The following ZDHHC2 variants were observed in gnomAD, a reference collection of about 807,000 sequenced individuals.
The protein encoded by ZDHHC2 is palmitoyltransferase ZDHHC2.
ZDHHC2 carries 51 observed loss-of-function variants against 55.6 expected under a neutral mutation model. The ratio of observed to expected loss-of-function variants is 0.92; its 90% confidence interval spans 0.73 to 1.16. The LOEUF (loss-of-function observed/expected upper bound fraction) is 1.16. ZDHHC2 is among the 50% of genes most tolerant of loss of function. ZDHHC2 has a pLI of 0.00. For synonymous variants in ZDHHC2, 199 were observed against 152.9 expected (o/e 1.30, Z -2.22); for missense variants, 491 against 442.4 (o/e 1.11, Z -0.99).
At chr8:17,214,697 C>T (rs569080473) in intron 10 of ZDHHC2, among the ~76,000 whole-genome samples, 75 of 152,076 alleles carry the variant, frequency 4.9e-4, no homozygotes, top group African/African-American at 1.7e-3. Context: ...TCACTTGAGA[C>T]CAGGCATTTG....
chr8:17,218,568 C>G (rs2150952571), intron 12 of ZDHHC2, among the ~76,000 whole-genome samples: 1 of 152,074 alleles, frequency 6.6e-6, no homozygotes, highest in South Asian at 2.1e-4. Flanking sequence ...TTATTTATCT[C>G]CAACACCTTG....
chr8:17,192,389 T>G (rs1376576605), intron 3 of ZDHHC2, among the ~76,000 whole-genome samples: 1 of 152,268 alleles, frequency 6.6e-6, no homozygotes, highest in African/African-American at 2.4e-5. Flanking sequence ...TGAGCACATC[T>G]TCATATACCT....
chr8:17,185,186 A>C (rs1805647995), intron 2 of ZDHHC2, among the ~76,000 whole-genome samples: 2 of 152,222 alleles, frequency 1.3e-5, no homozygotes, highest in Admixed American at 1.3e-4. Context: ...TCAAATTTTT[A>C]ATGATTCTAT....
In ZDHHC2 at chr8:17,177,200, T is replaced by G. The variant is rs150586850; in HGVS notation, c.131-7589T>G. On this transcript the variant is annotated intron_variant, in intron 1 of 12. Coordinates refer to ENST00000262096, the MANE Select transcript of ZDHHC2 (RefSeq NM_016353.5). ...GTTAGAGTAATTTGAGTACAGAAAA[T>G]TAGCTTAGGGAGGGTGTTGGTGACC... 8.3e-4 allele frequency among the ~76,000 whole-genome samples: 126 copies of G among 152,128 alleles called. 1 individual carries two copies. The Middle Eastern group carries it at 0.02, about 25-fold the overall frequency.
rs1275235787 is a variant in ZDHHC2, at chr8:17,224,060, C to T, written c.*3839C>T. On this transcript the variant is annotated 3_prime_UTR_variant, in exon 13 of 13. Coordinates refer to ENST00000262096, the MANE Select transcript of ZDHHC2 (RefSeq NM_016353.5). ...TTTTTTTCCTTCCTCAAAATAGTCTCCTTGAAATGTGAGCAAAGAACTATG... is the reference window on the plus strand; with the variant it reads ...TTTTTTTCCTTCCTCAAAATAGTCTTCTTGAAATGTGAGCAAAGAACTATG... The T allele has an allele frequency of 6.6e-6, 1 of 151,450 alleles. No individual in the cohort carries two copies. The highest frequency in any genetic ancestry group is 2.4e-5 in the African/African-American group (1 of 41,332). The allele number at this position is 151,450 out of a possible 1,614,324, so 9.4% of individuals were successfully genotyped here.
chr8:17,208,671 G>A (rs1012919188), intron 8 of ZDHHC2, among the ~76,000 whole-genome samples: 39 of 152,200 alleles, frequency 2.6e-4, no homozygotes, highest in African/African-American at 9.4e-4. Context: ...ATTTTGAAAT[G>A]AAACATTATG....
rs150543362 is a variant in ZDHHC2 at position 17,210,011 on chromosome 8, A to G, written c.810A>G (p.Gln270=). The part of the protein sequence containing the change: ...FSLGFSKNMR[Q]VFGDEKKYWL... ...TGGGTTTCAGTAAAAACATGCGACA[A>G]GTTTTTGGTGATGAGAAGAAGTACT... The change falls in exon 9 of 13, where the codon CAA becomes CAG. Residue 270 remains glutamine, a synonymous_variant. Coordinates refer to ENST00000262096, the MANE Select transcript of ZDHHC2 (RefSeq NM_016353.5). The G allele has an allele frequency of 2.2e-3, 3,532 of 1,609,776 alleles. 115 individuals carry two copies. In the Admixed American group the frequency reaches 0.051, roughly 23 times the overall value.
At chr8:17,191,784 G>A (rs550196384) in intron 3 of ZDHHC2, among the ~76,000 whole-genome samples, 12 of 152,262 alleles carry the variant, frequency 7.9e-5, no homozygotes, top group African/African-American at 2.2e-4. Context: ...AAACATGGGA[G>A]TGCAGATTAT....
chr8:17,199,534 G>GTCTTCA (rs1563161243), intron 6 of ZDHHC2, among the ~76,000 whole-genome samples: 2 of 944 alleles, frequency 2.1e-3, no homozygotes, highest in Non-Finnish European at 2.6e-3. Context: ...TTCGTCTTCT[G>GTCTTCA]TCTTCGTCTT....
intron 10 of ZDHHC2, among the ~76,000 whole-genome samples, chr8:17,213,782 A>G (rs577167990): frequency 1.4e-3 from 207 of 152,304 alleles, no homozygotes; most frequent in African/African-American, 4.6e-3. Context: ...CCAGGATCCC[A>G]GGATCTGGTT....
intron 1 of ZDHHC2, among the ~76,000 whole-genome samples, chr8:17,159,436 G>T (rs1340726878): frequency 6.6e-6 from 1 of 152,158 alleles, no homozygotes; most frequent in Non-Finnish European, 1.5e-5. Context: ...TCTGCTCTCA[G>T]CTAGGGATGA....
chr8:17,210,403 C>CTCCT lies in ZDHHC2; in HGVS notation c.875_878dup (p.Pro294LeufsTer7), dbSNP rs1217326146. On this transcript the variant is annotated frameshift_variant, in exon 10 of 13. Transcript: ENST00000262096. LOFTEE classifies it high-confidence loss of function. ...TTAATTCTAGTCTAGGTGATGGCTG[C>CTCCT]TCCTTTCCAACTTGCCTTGTTAACC... 2 of 1,613,186 alleles carry CTCCT rather than the reference C, an allele frequency of 1.2e-6. No individual in the cohort carries two copies. Among genetic ancestry groups the CTCCT allele is most frequent in the Non-Finnish European group, 1.7e-6 (2 of 1,179,614 alleles).
chr8:17,202,219 T>C (rs1806822067), intron 6 of ZDHHC2, among the ~76,000 whole-genome samples: 1 of 152,232 alleles, frequency 6.6e-6, no homozygotes, highest in African/African-American at 2.4e-5. Flanking sequence ...TAGAAATTGT[T>C]TGTCTCATTT....
In ZDHHC2 at chr8:17,223,527, G is replaced by A. The variant is rs912428787; in HGVS notation, c.*3306G>A. ...CACTTCTTTTCCACATACTTAGCCA[G>A]TTCAGCACCGATTTCCTCTTATATG... On this transcript the variant is annotated 3_prime_UTR_variant, in exon 13 of 13. Coordinates refer to ENST00000262096, the MANE Select transcript of ZDHHC2 (RefSeq NM_016353.5). 1 of 151,880 alleles carries A rather than the reference G, an allele frequency of 6.6e-6. No homozygotes were observed. Among genetic ancestry groups the A allele is most frequent in the Admixed American group, 6.6e-5 (1 of 15,222 alleles). The allele number at this position is 151,880 out of a possible 1,614,324, so 9.4% of individuals were successfully genotyped here. A position where few individuals can be genotyped will look rare whatever the true frequency, so the allele number is the denominator to read the frequency against.
At chr8:17,156,933 G>T (rs895186736) in intron 1 of ZDHHC2, 80 bp downstream of exon 1, 5 of 1,320,164 alleles carry the variant, frequency 3.8e-6, no homozygotes, top group Non-Finnish European at 4.9e-6. Flanking sequence ...CCGCTCCTCC[G>T]CTCTCGCCCC....
intron 1 of ZDHHC2, among the ~76,000 whole-genome samples, chr8:17,183,519 A>C (rs1023629063): frequency 6.6e-6 from 1 of 152,244 alleles, no homozygotes; most frequent in Non-Finnish European, 1.5e-5. Context: ...TGCCTGTCTC[A>C]TTCTGGAGAT....
chr8:17,216,884 G>A (rs1807676006), intron 11 of ZDHHC2, among the ~76,000 whole-genome samples: 1 of 152,138 alleles, frequency 6.6e-6, no homozygotes. Flanking sequence ...GTAAGCTGAT[G>A]TGAGCAGTGT....
intron 10 of ZDHHC2, among the ~76,000 whole-genome samples, chr8:17,214,742 C>CA (rs1219925104): frequency 4.6e-5 from 7 of 151,850 alleles, no homozygotes; most frequent in Non-Finnish European, 8.8e-5. Flanking sequence ...GTCCACTCTA[C>CA]AAAAAATAAA....
chr8:17,181,922 T>G (rs1193496140), intron 1 of ZDHHC2, among the ~76,000 whole-genome samples: 1 of 152,166 alleles, frequency 6.6e-6, no homozygotes, highest in African/African-American at 2.4e-5. Flanking sequence ...TATTTGCATT[T>G]GACAATAACT....
Sources: allele counts gnomAD v4.1 joint callset (sites outside exome capture counted in the v4.1 genomes callset), GRCh38; gene constraint gnomAD v4.1.1; transcripts MANE v1.5; gene names NCBI Gene and HGNC (gene_info 2026-07-23, HGNC 2026-07-21).